The following BAIAP2L1 variants were observed in gnomAD, a reference collection of about 807,000 sequenced individuals.
The protein encoded by BAIAP2L1 is BAR/IMD domain-containing adapter protein 2-like 1.
In BAIAP2L1, 35 loss-of-function variants were observed where a neutral mutation model predicts 66.3. The observed-to-expected ratio is 0.53, with a 90% CI of 0.40 to 0.70. The LOEUF is 0.70. Among genes scored for constraint, BAIAP2L1 ranks in the 30% least tolerant of loss-of-function variants. The pLI is 0.00. For synonymous variants in BAIAP2L1, 269 were observed against 248.7 expected (o/e 1.08, Z -0.77); for missense variants, 622 against 656.9 (o/e 0.95, Z 0.58).
At chr7:98,303,661 G>A (rs745434878) in intron 12 of BAIAP2L1, among the ~76,000 whole-genome samples, 6 of 152,172 alleles carry the variant, frequency 3.9e-5, no homozygotes, top group Admixed American at 1.3e-4. Context: ...AACTGGTTCC[G>A]GGAGCCCAGG....
At chr7:98,337,866 C>T (rs899405583) in intron 3 of BAIAP2L1, among the ~76,000 whole-genome samples, 17 of 151,998 alleles carry the variant, frequency 1.1e-4, no homozygotes, top group Non-Finnish European at 1.2e-4. Flanking sequence ...TGCAGTGAGC[C>T]GAGATCACGC....
intron 1 of BAIAP2L1, among the ~76,000 whole-genome samples, chr7:98,367,567 G>A (rs529126791): frequency 2.5e-4 from 32 of 126,676 alleles, no homozygotes; most frequent in African/African-American, 6.5e-4. Context: ...ACGGAGTCTC[G>A]CTCTGTCGCC....
rs566792669 is a variant in BAIAP2L1, at chr7:98,292,872, CGGA to C, written c.*646_*648del. On this transcript the variant is annotated 3_prime_UTR_variant, in exon 14 of 14. Transcript: ENST00000005260. ...CCTAACTACCAAGAAAAGGAGCTCTCGGAGGAGATTTCGTCGAGTGCTACGTGT... is the reference window on the plus strand; with the variant it reads ...CCTAACTACCAAGAAAAGGAGCTCTCGGAGATTTCGTCGAGTGCTACGTGT... 1.4e-4 allele frequency: 201 copies of C among 1,444,538 alleles called. 1 individual carries two copies. In the East Asian group the frequency reaches 2.8e-3, roughly 20 times the overall value. 89.5% of individuals were successfully genotyped at this position (1,444,538 alleles called of 1,614,324 possible).
intron 3 of BAIAP2L1, among the ~76,000 whole-genome samples, chr7:98,349,534 C>T (rs1387954983): frequency 2.0e-5 from 3 of 152,098 alleles, no homozygotes; most frequent in African/African-American, 7.2e-5. Context: ...TGACACCTGC[C>T]AGCCATTCAG....
chr7:98,313,628 G>C (rs1367874128), intron 7 of BAIAP2L1, among the ~76,000 whole-genome samples: 2 of 151,926 alleles, frequency 1.3e-5, no homozygotes, highest in Non-Finnish European at 2.9e-5. Flanking sequence ...ATTTTCTTCT[G>C]CTTTTTTGAG....
At chr7:98,368,244 C>A (rs1802433001) in intron 1 of BAIAP2L1, among the ~76,000 whole-genome samples, 1 of 152,052 alleles carries the variant, frequency 6.6e-6, no homozygotes, top group Non-Finnish European at 1.5e-5. Context: ...CATGGTGAAA[C>A]CCTGTCTCTA....
At chr7:98,319,960 C>T in intron 5 of BAIAP2L1, 98 bp downstream of exon 5, 1 of 955,796 alleles carries the variant, frequency 1.0e-6, no homozygotes, top group Non-Finnish European at 1.6e-6. Context: ...AGCTTCTCTC[C>T]TGTCTGCTGC....
Position 98,312,170 on chromosome 7 carries a change from T to C in BAIAP2L1, c.734A>G (p.Glu245Gly). Residue 245 changes from glutamate (E) to glycine (G), a missense_variant, in exon 8 of 14, where the codon GAA (glutamate) becomes GGA (glycine). Coordinates refer to ENST00000005260, the MANE Select transcript of BAIAP2L1 (RefSeq NM_018842.5). ...VPEKIMNMIE[E>G]IKTPASTPVS... ...GGGGGTAGAGGCTGGGGTCTTTATT[T>C]CTTCGATCATATTCATGATTTTCTC... 14 of 1,614,150 alleles carry C rather than the reference T, an allele frequency of 8.7e-6. No individual in the cohort carries two copies. The highest frequency in any genetic ancestry group is 1.1e-5 in the Non-Finnish European group (13 of 1,180,016).
At chr7:98,295,956 G>A (rs921505323) in intron 12 of BAIAP2L1, among the ~76,000 whole-genome samples, 8 of 152,126 alleles carry the variant, frequency 5.3e-5, no homozygotes, top group African/African-American at 1.9e-4. Context: ...GCATGCCTGG[G>A]GCCCAACAAT....
In BAIAP2L1 at chr7:98,292,246, A is replaced by AAC. The variant is rs1237658737; in HGVS notation, c.*1273_*1274dup. On this transcript the variant is annotated 3_prime_UTR_variant, in exon 14 of 14. Transcript: ENST00000005260. ...ATAAGTCACAGCCCCAGCACCCAGC[A>AAC]ACACACACGGTGAGCGGCCGGGCTG... The AAC allele has an allele frequency of 1.2e-5, 3 of 255,372 alleles. No homozygotes were observed. Among genetic ancestry groups the AAC allele is most frequent in the Non-Finnish European group, 2.3e-5 (3 of 128,732 alleles). The allele number at this position is 255,372 out of a possible 1,614,324, so 15.8% of individuals were successfully genotyped here. A position where few individuals can be genotyped will look rare whatever the true frequency, so the allele number is the denominator to read the frequency against.
At chr7:98,323,790 G>A (rs750255243) in intron 3 of BAIAP2L1, among the ~76,000 whole-genome samples, 7 of 152,210 alleles carry the variant, frequency 4.6e-5, no homozygotes, top group Non-Finnish European at 7.3e-5. Context: ...GCAGCTGGCC[G>A]CCGCGGAGTC....
chr7:98,308,405 G>C (rs1483118523), intron 9 of BAIAP2L1: 1 of 404,400 alleles, frequency 2.5e-6, no homozygotes. Flanking sequence ...AGGTGAGGAT[G>C]AGTTCCATTT....
At chr7:98,352,917 T>C (rs1802031548) in intron 3 of BAIAP2L1, among the ~76,000 whole-genome samples, 1 of 152,164 alleles carries the variant, frequency 6.6e-6, no homozygotes, top group Non-Finnish European at 1.5e-5. Context: ...TGTTTTAATG[T>C]AAGGGTCACA....
intron 9 of BAIAP2L1, chr7:98,308,374 C>T: frequency 2.3e-6 from 1 of 436,588 alleles, no homozygotes; most frequent in South Asian, 1.6e-5. Flanking sequence ...CAGCTTCTCA[C>T]CCCCAGGCCT....
At chr7:98,295,567 G>A (rs930102738) in intron 12 of BAIAP2L1, among the ~76,000 whole-genome samples, 3 of 152,116 alleles carry the variant, frequency 2.0e-5, no homozygotes, top group South Asian at 2.1e-4. Flanking sequence ...GCTGGCATTC[G>A]TGGACTCTGT....
At chr7:98,396,813 A>C (rs988208841) in intron 1 of BAIAP2L1, among the ~76,000 whole-genome samples, 7 of 152,190 alleles carry the variant, frequency 4.6e-5, no homozygotes, top group Non-Finnish European at 8.8e-5. Context: ...AAAATAGTTA[A>C]GCCAACACAA....
rs375487933 is a variant in BAIAP2L1, at chr7:98,382,201, G to A, written c.51+18601C>T. On this transcript the variant is annotated intron_variant, in intron 1 of 13. Coordinates refer to ENST00000005260, the MANE Select transcript of BAIAP2L1 (RefSeq NM_018842.5). ...CCTCCCAAAGTGCTGGGTTATAGGCGTGAGCAACCGTGCCCAGCCAAAATC... is the reference window on the plus strand; with the variant it reads ...CCTCCCAAAGTGCTGGGTTATAGGCATGAGCAACCGTGCCCAGCCAAAATC... Among the ~76,000 whole-genome samples the A allele has an allele frequency of 7.0e-4, 106 of 152,176 alleles. 1 individual carries two copies. The highest frequency in any genetic ancestry group is 2.5e-3 in the African/African-American group (102 of 41,534).
intron 3 of BAIAP2L1, among the ~76,000 whole-genome samples, chr7:98,340,389 G>A (rs918779699): frequency 6.6e-6 from 1 of 152,122 alleles, no homozygotes; most frequent in African/African-American, 2.4e-5. Context: ...CCGGGTTCAC[G>A]CCATTCTCTT....
At chr7:98,303,295 C>T (rs1800501738) in intron 12 of BAIAP2L1, among the ~76,000 whole-genome samples, 1 of 152,172 alleles carries the variant, frequency 6.6e-6, no homozygotes. Context: ...AGGCCCCGGA[C>T]ACAAGGTATA....
Sources: gnomAD v4.1 joint callset for allele counts (sites outside exome capture counted in the v4.1 genomes callset) on GRCh38, gnomAD v4.1.1 for gene constraint, MANE v1.5 for transcripts, NCBI Gene and HGNC (gene_info 2026-07-23, HGNC 2026-07-21) for gene names.